Variants in PTPN22 observed in about 807,000 individuals in gnomAD.
The protein encoded by PTPN22 is tyrosine-protein phosphatase non-receptor type 22.
PTPN22 carries 85 observed loss-of-function variants against 103.3 expected under a neutral mutation model. That is an observed-to-expected ratio of 0.82 (90% CI 0.69 to 0.99). The LOEUF (loss-of-function observed/expected upper bound fraction) is 0.99. Among genes scored for constraint, PTPN22 ranks in the 50% least tolerant of loss-of-function variants. The pLI, the probability that PTPN22 is intolerant of heterozygous loss-of-function variation, is 0.00. For synonymous variants in PTPN22, 323 were observed against 310.2 expected, an observed-to-expected ratio of 1.04 and a Z score of -0.43; for missense variants, 865 against 936.9, an observed-to-expected ratio of 0.92 and a Z score of 1.00.
intron 15 of PTPN22, 50 bp from the exon 16 acceptor site, chr1:113,833,188 T>A: frequency 6.9e-7 from 1 of 1,440,110 alleles, no homozygotes. Flanking sequence ...GTATACAAAT[T>A]ATACAAACTC....
At chr1:113,845,553 G>T (rs1461449606) in intron 11 of PTPN22, among the ~76,000 whole-genome samples, 1 of 152,056 alleles carries the variant, frequency 6.6e-6, no homozygotes, top group Admixed American at 6.6e-5. Flanking sequence ...TTATGGCTCA[G>T]GATATACTCT....
chr1:113,859,247 C>T lies in PTPN22; in HGVS notation c.196+105G>A, dbSNP rs1665358824. On this transcript the variant is annotated intron_variant, in intron 2 of 20. Coordinates refer to ENST00000359785, the Ensembl canonical transcript of PTPN22. The stretch of plus-strand genomic sequence containing the variant: ...TCATAAATAGTACAAACTAAGTTGT[C>T]AATGCCATGTTCCAAGATCAGGATC... The T allele has an allele frequency of 2.6e-6, 4 of 1,533,622 alleles. No individual in the cohort carries two copies. In the East Asian group the frequency reaches 9.0e-5, roughly 35 times the overall value.
exon 21 of PTPN22, chr1:113,814,589 G>A (rs1217412): frequency 0.76 from 162,005 of 214,238 alleles, 62,567 homozygotes; most frequent in African/African-American, 0.9. Context: ...TGTTTATGTA[G>A]AAAAGTAAAA....
In PTPN22 at chr1:113,837,407, A is replaced by T. The variant is rs57220820; in HGVS notation, c.1810+183T>A. On this transcript the variant is annotated intron_variant, in intron 13 of 20. Coordinates refer to ENST00000359785, the Ensembl canonical transcript of PTPN22. ...GGAAGTTGCATTGAGCCAAGATTGC[A>T]CCACTGCACTCCAGCCTGGGTGACA... 6.4e-4 allele frequency among the ~76,000 whole-genome samples: 97 copies of T among 151,118 alleles called. 2 individuals carry two copies. The East Asian group carries it at 0.016, about 25-fold the overall frequency.
At chr1:113,867,273 T>C (rs935386780) in intron 1 of PTPN22, among the ~76,000 whole-genome samples, 2 of 152,226 alleles carry the variant, frequency 1.3e-5, no homozygotes, top group African/African-American at 2.4e-5. Flanking sequence ...TTTGAGAGAC[T>C]CAGTGTCATT....
In PTPN22 at chr1:113,829,592, C is replaced by G. The variant is rs56048322; in HGVS notation, c.2250G>C (p.Lys750Asn). 6.2e-3 allele frequency: 9,737 copies of G among 1,561,324 alleles called. 61 individuals carry two copies. The highest frequency in any genetic ancestry group is 6.5e-3 in the Non-Finnish European group (7,438 of 1,142,448). The change falls in exon 18 of 21, where the codon AAG (lysine) becomes AAC (asparagine). Residue 750 changes from lysine (K) to asparagine (N), a missense_variant and splice_region_variant. Physicochemically the swap from Lys to Asn is moderately conservative, Grantham distance 94 (BLOSUM62 0). Coordinates refer to ENST00000359785, the Ensembl canonical transcript of PTPN22. The stretch of plus-strand genomic sequence containing the variant: ...TTCCCAAAACTCTTATCTTCTTTAC[C>G]TTACTCCTTGTGAAACTTTTTCCAG...
In PTPN22 at chr1:113,834,340, A is replaced by G. The variant is rs776367870; in HGVS notation, c.1994T>C (p.Phe665Ser). ...TGGTCTAAGTATCACAGAGTCATCA[A>G]ATTTCTTTGGTTCAGATGTTCCACC... Residue 665 changes from phenylalanine (F) to serine (S), a missense_variant, in exon 15 of 21, where the codon TTT becomes TCT. This residue lies in a region of PTPN22 where 401 missense variants were observed against 388.6 expected (regional missense o/e 1.03). Transcript: ENST00000359785. The G allele has an allele frequency of 2.2e-5, 35 of 1,614,028 alleles. No individual in the cohort carries two copies. The East Asian group carries it at 3.6e-4, about 16-fold the overall frequency.
chr1:113,833,288 T>C, intron 15 of PTPN22, 150 bp from the exon 16 acceptor site: 1 of 557,566 alleles, frequency 1.8e-6, no homozygotes, highest in Non-Finnish European at 3.0e-6. Flanking sequence ...AATTTGTAAG[T>C]GTGCTGAATT....
chr1:113,860,722 A>T (rs979153727), intron 1 of PTPN22, among the ~76,000 whole-genome samples: 7 of 152,210 alleles, frequency 4.6e-5, no homozygotes, highest in Admixed American at 3.3e-4. Context: ...CTTCAGAATG[A>T]TCATTTTCAG....
intron 14 of PTPN22, 50 bp from the exon 15 acceptor site, chr1:113,834,489 A>G: frequency 6.5e-7 from 1 of 1,548,688 alleles, no homozygotes; most frequent in Non-Finnish European, 8.9e-7. Flanking sequence ...ATTCTTTTAG[A>G]CATCAAATGT....
chr1:113,834,478 T>C, intron 14 of PTPN22, 39 bp from the exon 15 acceptor site: 1 of 1,575,220 alleles, frequency 6.3e-7, no homozygotes, highest in Non-Finnish European at 8.7e-7. Context: ...TTAAGAATAG[T>C]ATTCTTTTAG....
At chr1:113,819,700 T>C (rs756144128) in intron 19 of PTPN22, 46 bp from the exon 20 acceptor site, 36 of 1,308,990 alleles carry the variant, frequency 2.8e-5, no homozygotes, top group Non-Finnish European at 3.5e-5. Context: ...AAAGACAGAC[T>C]CAGATGACTG....
chr1:113,827,586 T>G (rs917300835), intron 18 of PTPN22, among the ~76,000 whole-genome samples: 8 of 152,200 alleles, frequency 5.3e-5, no homozygotes, highest in Admixed American at 2.6e-4. Context: ...TTAACACTAT[T>G]AATTATGTTG....
chr1:113,834,405 G>C, exon 15 of PTPN22: 2 of 1,613,392 alleles, frequency 1.2e-6, no homozygotes, highest in Non-Finnish European at 1.7e-6. Context: ...TCACAGCTGA[G>C]GATAAGGATT....
intron 19 of PTPN22, 37 bp from the exon 20 acceptor site, chr1:113,819,691 A>C: frequency 7.1e-7 from 1 of 1,411,198 alleles, no homozygotes; most frequent in Non-Finnish European, 9.9e-7. Flanking sequence ...GGAAAGACTA[A>C]AGACAGACTC....
intron 1 of PTPN22, among the ~76,000 whole-genome samples, chr1:113,865,097 G>T (rs1230620166): frequency 6.6e-6 from 1 of 152,136 alleles, no homozygotes; most frequent in African/African-American, 2.4e-5. Flanking sequence ...CATTTTAAAA[G>T]GTTCTTTGGG....
At chr1:113,826,569 T>C (rs1168167392) in intron 18 of PTPN22, among the ~76,000 whole-genome samples, 1 of 152,100 alleles carries the variant, frequency 6.6e-6, no homozygotes, top group Non-Finnish European at 1.5e-5. Flanking sequence ...CAAGAATTTT[T>C]GCCAGTCATA....
At chr1:113,841,699 G>A (rs1280269991) in intron 11 of PTPN22, among the ~76,000 whole-genome samples, 1 of 151,630 alleles carries the variant, frequency 6.6e-6, no homozygotes, top group African/African-American at 2.4e-5. Flanking sequence ...GCCTCCTGGG[G>A]TCCAGCAATT....
chr1:113,829,513 C>A, intron 18 of PTPN22, 79 bp downstream of exon 18: 1 of 658,560 alleles, frequency 1.5e-6, no homozygotes, highest in South Asian at 2.8e-5. Flanking sequence ...TCTAATTTTC[C>A]ATCTTAATGC....
Sources: gnomAD v4.1 joint callset for allele counts (sites outside exome capture counted in the v4.1 genomes callset) on GRCh38, gnomAD v4.1.1 for gene constraint, gnomAD v4.1.1 regional missense constraint, MANE v1.5 for transcripts, NCBI Gene and HGNC (gene_info 2026-07-23, HGNC 2026-07-21) for gene names.